The following TTN variants were observed in gnomAD, a reference collection of about 807,000 sequenced individuals.
The protein encoded by TTN is titin.
In TTN, 1,525 loss-of-function variants were observed where a neutral mutation model predicts 3,223.0. The ratio of observed to expected loss-of-function variants is 0.47; its 90% CI spans 0.45 to 0.49. The LOEUF is 0.49. Among genes scored for constraint, TTN ranks in the 20% least tolerant of loss-of-function variants. The pLI is 0.00. For missense variants in TTN, 40,786 were observed against 43,424.0 expected (o/e 0.94, Z 5.40); for synonymous variants, 14,094 against 15,161.0 (o/e 0.93, Z 5.17).
rs769097909 is a variant in TTN, at chr2:178,712,315, C to A, written c.27607G>T (p.Glu9203Ter). The A allele has an allele frequency of 6.2e-7, 1 of 1,612,206 alleles. No homozygotes were observed. The highest frequency in any genetic ancestry group is 1.3e-5 in the African/African-American group (1 of 74,844). ...DSCSAQILILEPPYFVKQLEP... is the reference protein window; with the variant it reads ...DSCSAQILIL ...ATAAAAATGTGCAATCATGACAAAC[C>A]TAGTATGAGTATTTGTGCTGAACAG... The change falls in exon 95 of 363, where the codon GAA becomes TAA. Residue 9203 changes from glutamate to a stop codon, truncating the protein, a stop_gained and splice_region_variant. Coordinates refer to ENST00000589042, the MANE Select transcript of TTN (RefSeq NM_001267550.2). LOFTEE classifies it high-confidence loss of function.
Position 178,742,775 on chromosome 2 carries a change from ATTAGTAGT to A in TTN, c.11312-862_11312-855del, listed in dbSNP as rs560626072. On this transcript the variant is annotated intron_variant, in intron 47 of 362. Transcript: ENST00000589042. Reference sequence around the variant, plus strand: ...CTTAGCTATGTAGAACAGGCCTGTTATTAGTAGTTTTATTGCCTTAGCAAAAGGCAGTT... The same window carrying A: ...CTTAGCTATGTAGAACAGGCCTGTTATTTATTGCCTTAGCAAAAGGCAGTT... 6 of 152,222 alleles carry A rather than the reference ATTAGTAGT, an allele frequency of 3.9e-5. No homozygotes were observed. The South Asian group carries it at 1.2e-3, about 32-fold the overall frequency. The allele number at this position is 152,222 out of a possible 1,614,324, so 9.4% of individuals were successfully genotyped here.
At chr2:178,782,110 A>G in intron 20 of TTN, 102 bp downstream of exon 20, 1 of 1,347,670 alleles carries the variant, frequency 7.4e-7, no homozygotes, top group Non-Finnish European at 1.1e-6. Context: ...CCACAATGAA[A>G]GAGCCTATGC....
Position 178,664,085 on chromosome 2 carries a change from G to A in TTN, c.36294C>T (p.Pro12098=). 6.2e-7 allele frequency: 1 copy of A among 1,611,644 alleles called. No homozygotes were observed. The highest frequency in any genetic ancestry group is 8.5e-7 in the Non-Finnish European group (1 of 1,179,388). Residue 12098 remains proline, a synonymous_variant, in exon 169 of 363, where the codon CCC becomes CCT. Transcript: ENST00000589042. The stretch of plus-strand genomic sequence containing the variant: ...CTTTCTTTTCAGGGATAATCTCTTT[G>A]GGAGCTTCGTGCACTTGAAAGATAT... ...EVVPVKVHEA[P]KEIIPEKKVS...
rs776591304 is a variant in TTN at position 178,566,320 on chromosome 2, TACA to T, written c.79809_79811del (p.Val26604del). The T allele has an allele frequency of 8.1e-6, 13 of 1,613,514 alleles. No homozygotes were observed. Among genetic ancestry groups the T allele is most frequent in the Middle Eastern group, 1.6e-4 (1 of 6,082 alleles). On this transcript the variant is annotated inframe_deletion, in exon 326 of 363. Coordinates refer to ENST00000589042, the MANE Select transcript of TTN (RefSeq NM_001267550.2). ...GAATTCTGGCAGATCCACCAGCTCTTACAACAATTCCTTTTCTTAATTCGGAGT... is the reference window on the plus strand; with the variant it reads ...GAATTCTGGCAGATCCACCAGCTCTTACAATTCCTTTTCTTAATTCGGAGT...
In TTN at chr2:178,739,400, A is replaced by C. The variant is rs2082090519; in HGVS notation, c.13833T>G (p.Pro4611=). 3.7e-6 allele frequency: 6 copies of C among 1,613,872 alleles called. No homozygotes were observed. The East Asian group carries it at 1.3e-4, about 36-fold the overall frequency. ...IKEDGPMIHT[P]LVDTVSEEGD... is the part of the protein sequence containing the mutation. ...CTTCCTCAGAAACAGTGTCCACTAA[A>C]GGTGTATGTATCATGGGGCCATCCT... Residue 4611 remains proline (P), a synonymous_variant, in exon 48 of 363, where the codon CCT becomes CCG. Transcript: ENST00000589042.
At chr2:178,627,310 C>T (rs773538351) in intron 240 of TTN, among the ~76,000 whole-genome samples, 11 of 152,080 alleles carry the variant, frequency 7.2e-5, no homozygotes, top group Middle Eastern at 3.4e-3. Context: ...CCTATTCCTA[C>T]AGCTTGTTTT....
At position 178,720,530 on chromosome 2, in the gene TTN, G is replaced by C. The variant is rs72648972; in HGVS notation, c.23232C>G (p.Asn7744Lys). 4,068 of 1,613,528 alleles carry C rather than the reference G, an allele frequency of 2.5e-3. 41 individuals are homozygous for C. The highest frequency in any genetic ancestry group is 0.018 in the South Asian group (1,660 of 91,050). The change falls in exon 80 of 363, where the codon AAC becomes AAG. Residue 7744 changes from asparagine to lysine, a missense_variant. By Grantham distance (94) the Asn-to-Lys change is moderately conservative. Transcript: ENST00000589042. ...VWVKDRKQVR[N>K]SKKFKITSKH... ...TTGAAGTGATTTTAAATTTCTTGCTGTTTCTAACCTGCTTTCGATCTTTAA... is the reference window on the plus strand; with the variant it reads ...TTGAAGTGATTTTAAATTTCTTGCTCTTTCTAACCTGCTTTCGATCTTTAA...
intron 59 of TTN, 51 bp from the exon 60 acceptor site, chr2:178,731,254 G>C: frequency 6.2e-7 from 1 of 1,610,838 alleles, no homozygotes; most frequent in African/African-American, 1.3e-5. Context: ...CTGCTGAAAG[G>C]CTTACATCTG....
At position 178,702,249 on chromosome 2, in the gene TTN, G is replaced by C. The variant is rs77489586; in HGVS notation, c.30434-4C>G. On this transcript the variant is annotated splice_polypyrimidine_tract_variant and splice_region_variant and intron_variant, in intron 107 of 362. Coordinates refer to ENST00000589042, the MANE Select transcript of TTN (RefSeq NM_001267550.2). ...CGAGCGATGACCGAGTAGACACCTA[G>C]GGTGAAAAATCATCCAACTTTTGTT... is the stretch of plus-strand genomic sequence containing the variant. 2 of 1,613,860 alleles carry C rather than the reference G, an allele frequency of 1.2e-6. No homozygotes were observed. Among genetic ancestry groups the C allele is most frequent in the South Asian group, 2.2e-5 (2 of 91,064 alleles).
In TTN at chr2:178,715,608, G is replaced by A; in HGVS notation, c.25806C>T (p.Asp8602=). Residue 8602 remains aspartate, a synonymous_variant, in exon 89 of 363, where the codon GAC becomes GAT. Coordinates refer to ENST00000589042, the MANE Select transcript of TTN (RefSeq NM_001267550.2). The part of the protein sequence containing the change: ...ESSKFRMSFV[D]SVAVLEMHNL... ...TGTGCATTTCCAGCACAGCCACCGAGTCAACGAATGACATTCTGAATTTAC... is the reference window on the plus strand; with the variant it reads ...TGTGCATTTCCAGCACAGCCACCGAATCAACGAATGACATTCTGAATTTAC... 3.7e-6 allele frequency: 6 copies of A among 1,613,588 alleles called. No individual in the cohort carries two copies. Among genetic ancestry groups the A allele is most frequent in the Non-Finnish European group, 3.4e-6 (4 of 1,179,648 alleles).
chr2:178,642,715 A>T (rs2061402363), intron 218 of TTN, among the ~76,000 whole-genome samples: 1 of 151,992 alleles, frequency 6.6e-6, no homozygotes, highest in African/African-American at 2.4e-5. Flanking sequence ...GATACTGGCA[A>T]GTGTTAGTGC....
At chr2:178,678,605 C>G in intron 143 of TTN, 108 bp from the exon 144 acceptor site, 1 of 1,135,248 alleles carries the variant, frequency 8.8e-7, no homozygotes, top group East Asian at 2.8e-5. Context: ...CAAAGGTATT[C>G]CAAGAAGCAT....
chr2:178,651,160 C>T lies in TTN; in HGVS notation c.39625+83G>A, dbSNP rs1576945845. 3 of 1,157,238 alleles carry T rather than the reference C, an allele frequency of 2.6e-6. No homozygotes were observed. The Admixed American group carries it at 6.8e-5, about 26-fold the overall frequency. The allele number at this position is 1,157,238 out of a possible 1,614,324, so 71.7% of individuals were successfully genotyped here. ...TTTTGTAGTTGCAAATTTAAGAGGA[C>T]TCGCAAACAAAAGGTTTGATAATAG... On this transcript the variant is annotated intron_variant, in intron 208 of 362. Transcript: ENST00000589042.
Position 178,785,533 on chromosome 2 carries a change from A to C in TTN, c.2493+87T>G. On this transcript the variant is annotated intron_variant, in intron 15 of 362. Transcript: ENST00000589042. ...ACACATCACCAAAAAAGAATCCTCC[A>C]TTGGCCTACCCCAGAGATGCTCTGT... 1.0e-5 allele frequency: 16 copies of C among 1,589,182 alleles called. No individual in the cohort carries two copies. The Admixed American group carries it at 2.7e-4, about 27-fold the overall frequency.
rs889524370 is a variant in TTN at position 178,633,400 on chromosome 2, T to C, written c.42946+13A>G. The C allele has an allele frequency of 6.2e-7, 1 of 1,613,318 alleles. No homozygotes were observed. Among genetic ancestry groups the C allele is most frequent in the Non-Finnish European group, 8.5e-7 (1 of 1,179,536 alleles). On this transcript the variant is annotated intron_variant, in intron 232 of 362. Transcript: ENST00000589042. Reference sequence around the variant, plus strand: ...TTCAGATAGGGTAAATTTTACATTGTTGAGCAACTCACCCTCAACAGTAAC... The same window carrying C: ...TTCAGATAGGGTAAATTTTACATTGCTGAGCAACTCACCCTCAACAGTAAC...
chr2:178,802,025 G>T (rs2094090816), intron 3 of TTN, 113 bp downstream of exon 3: 1 of 1,305,854 alleles, frequency 7.7e-7, no homozygotes, highest in Admixed American at 1.7e-5. Context: ...AGACCCTTCT[G>T]TAGTTTAAGA....
At chr2:178,529,929 G>T (rs547200812) in intron 359 of TTN, 31 bp downstream of exon 359, 4 of 1,574,082 alleles carry the variant, frequency 2.5e-6, no homozygotes, top group Non-Finnish European at 3.4e-6. Flanking sequence ...ATCTTCTGAA[G>T]AAATGTGGGT....
At chr2:178,664,390 A>T in intron 168 of TTN, 70 bp downstream of exon 168, 8 of 1,252,248 alleles carry the variant, frequency 6.4e-6, no homozygotes, top group Non-Finnish European at 9.1e-6. Flanking sequence ...ATAATTTTCA[A>T]AACTAGAAAG....
intron 92 of TTN, 31 bp downstream of exon 92, chr2:178,713,866 G>A: frequency 6.2e-7 from 1 of 1,605,168 alleles, no homozygotes; most frequent in Non-Finnish European, 8.5e-7. Context: ...TTATTATAAT[G>A]ATGAAGGAAA....
Sources: allele counts gnomAD v4.1 joint callset (sites outside exome capture counted in the v4.1 genomes callset), GRCh38; gene constraint gnomAD v4.1.1; transcripts MANE v1.5; gene names NCBI Gene and HGNC (gene_info 2026-07-23, HGNC 2026-07-21).